The following ROBO1 variants were observed in gnomAD, a reference collection of about 807,000 sequenced individuals.
The protein encoded by ROBO1 is roundabout homolog 1.
A neutral mutation model predicts 195.9 loss-of-function variants in ROBO1; 149 were observed. The observed-to-expected ratio is 0.76, with a 90% CI of 0.67 to 0.87. The LOEUF is 0.87. ROBO1 is among the 40% of genes least tolerant of loss of function. ROBO1 has a pLI of 0.00. For synonymous variants in ROBO1, 816 were observed against 733.2 expected (o/e 1.11, Z -1.82); for missense variants, 1,933 against 2,068.3 (o/e 0.93, Z 1.27).
intron 2 of ROBO1, among the ~76,000 whole-genome samples, chr3:79,574,015 C>T (rs557033358): frequency 6.6e-6 from 1 of 152,192 alleles, no homozygotes; most frequent in Admixed American, 6.5e-5. Context: ...CAGAGGATCA[C>T]TTGTTTCCAT....
intron 3 of ROBO1, among the ~76,000 whole-genome samples, chr3:78,953,561 C>G (rs891267417): frequency 5.9e-5 from 9 of 151,562 alleles, no homozygotes; most frequent in Non-Finnish European, 2.9e-5. Context: ...GAAATATTAA[C>G]AAGAATAATA....
intron 3 of ROBO1, among the ~76,000 whole-genome samples, chr3:78,975,001 C>T (rs1438418950): frequency 6.6e-6 from 1 of 152,010 alleles, no homozygotes. Flanking sequence ...ACTAATGCTG[C>T]CAAATTAAAT....
chr3:78,958,319 CTTAAAGGGCTTTGAACTAAAA>C (rs1576468166), intron 3 of ROBO1, among the ~76,000 whole-genome samples: 1 of 152,224 alleles, frequency 6.6e-6, no homozygotes, highest in East Asian at 1.9e-4. Flanking sequence ...AATCTTATTC[CTTAAAGGGCTTTGAACTAAAA>C]CATTTAAACA....
intron 2 of ROBO1, among the ~76,000 whole-genome samples, chr3:79,541,723 A>G (rs1444626979): frequency 2.0e-5 from 3 of 151,708 alleles, no homozygotes; most frequent in Non-Finnish European, 4.4e-5. Flanking sequence ...GTTATAAGAT[A>G]TAGGCCATCA....
intron 2 of ROBO1, among the ~76,000 whole-genome samples, chr3:79,429,776 AT>A (rs1482937556): frequency 3.3e-5 from 5 of 152,174 alleles, no homozygotes; most frequent in African/African-American, 1.2e-4. Context: ...TTCTTATTGA[AT>A]AATGCCCATT....
At chr3:78,611,322 T>C (rs960105505) in intron 28 of ROBO1, among the ~76,000 whole-genome samples, 5 of 152,116 alleles carry the variant, frequency 3.3e-5, no homozygotes, top group African/African-American at 1.2e-4. Flanking sequence ...GTAGATTTGG[T>C]TTTTAAATCA....
chr3:79,742,680 G>A (rs1319852933), intron 1 of ROBO1, among the ~76,000 whole-genome samples: 1 of 152,138 alleles, frequency 6.6e-6, no homozygotes, highest in African/African-American at 2.4e-5. Context: ...GTCTTAGGTA[G>A]TTCTTTATAG....
In ROBO1 at chr3:79,693,452, C is replaced by T. The variant is rs955850745; in HGVS notation, c.-51+74300G>A. Among the ~76,000 whole-genome samples the T allele has an allele frequency of 2.0e-5, 3 of 150,700 alleles. No individual in the cohort carries two copies. The Admixed American group carries it at 2.0e-4, about 10-fold the overall frequency. On this transcript the variant is annotated intron_variant, in intron 1 of 30. Coordinates refer to ENST00000464233, the MANE Select transcript of ROBO1 (RefSeq NM_002941.4). ...GTTTTTTTGTTTGTTTGTTTTGACA[C>T]AGGGTCTTGGATCTTGTTCTGTAAC... is the stretch of plus-strand genomic sequence containing the variant.
At chr3:79,018,793 C>A (rs1415910599) in intron 3 of ROBO1, 3 of 1,062,268 alleles carry the variant, frequency 2.8e-6, no homozygotes, top group Non-Finnish European at 3.4e-6. Flanking sequence ...CACGGTCTTG[C>A]GGAGCCTCCC....
chr3:79,349,816 A>C (rs1290415464), intron 2 of ROBO1, among the ~76,000 whole-genome samples: 4 of 152,210 alleles, frequency 2.6e-5, no homozygotes, highest in African/African-American at 9.6e-5. Flanking sequence ...CTCAAAATGA[A>C]TCAAATGTAA....
At chr3:78,687,049 A>G (rs1575935628) in intron 9 of ROBO1, among the ~76,000 whole-genome samples, 1 of 152,212 alleles carries the variant, frequency 6.6e-6, no homozygotes, top group African/African-American at 2.4e-5. Context: ...TAAACATTTA[A>G]CTACTATTCC....
At chr3:79,663,134 T>C (rs940749695) in intron 1 of ROBO1, among the ~76,000 whole-genome samples, 1 of 152,110 alleles carries the variant, frequency 6.6e-6, no homozygotes, top group Non-Finnish European at 1.5e-5. Flanking sequence ...AGCTTATCAC[T>C]TATCAAATAC....
chr3:79,294,622 C>T (rs550370126), intron 2 of ROBO1, among the ~76,000 whole-genome samples: 8 of 151,936 alleles, frequency 5.3e-5, no homozygotes, highest in South Asian at 2.1e-4. Flanking sequence ...ACTGAAGAGC[C>T]TCTGCACAAC....
At chr3:78,775,699 G>T (rs1435565647) in intron 4 of ROBO1, among the ~76,000 whole-genome samples, 2 of 152,154 alleles carry the variant, frequency 1.3e-5, no homozygotes, top group African/African-American at 4.8e-5. Flanking sequence ...ATTTTCTTCA[G>T]TGCATGTTCA....
At chr3:78,679,682 A>G (rs1429383043) in intron 10 of ROBO1, among the ~76,000 whole-genome samples, 2 of 152,106 alleles carry the variant, frequency 1.3e-5, no homozygotes, top group African/African-American at 4.8e-5. Flanking sequence ...AAATAAAAGA[A>G]GATACAAACA....
intron 3 of ROBO1, among the ~76,000 whole-genome samples, chr3:79,040,876 A>T (rs533122683): frequency 2.0e-5 from 3 of 152,268 alleles, no homozygotes; most frequent in South Asian, 2.1e-4. Flanking sequence ...CGAAAAAAAA[A>T]TTCCAGACAC....
intron 4 of ROBO1, among the ~76,000 whole-genome samples, chr3:78,754,966 T>TGGTACC (rs2082891534): frequency 6.6e-6 from 1 of 151,996 alleles, no homozygotes; most frequent in South Asian, 2.1e-4. Context: ...TGCCGTGTAG[T>TGGTACC]GGTACCGGTG....
At chr3:79,289,020 G>C (rs1487394051) in intron 2 of ROBO1, among the ~76,000 whole-genome samples, 1 of 151,308 alleles carries the variant, frequency 6.6e-6, no homozygotes, top group African/African-American at 2.4e-5. Context: ...AAATGCAAGA[G>C]ACTACGAAAA....
At chr3:79,214,570 G>A (rs1234311216) in intron 2 of ROBO1, among the ~76,000 whole-genome samples, 1 of 152,054 alleles carries the variant, frequency 6.6e-6, no homozygotes, top group East Asian at 1.9e-4. Context: ...GCCTGGCACA[G>A]ATGAAGTGTG....
Sources: gnomAD v4.1 joint callset for allele counts (sites outside exome capture counted in the v4.1 genomes callset) on GRCh38, gnomAD v4.1.1 for gene constraint, MANE v1.5 for transcripts, NCBI Gene and HGNC (gene_info 2026-07-23, HGNC 2026-07-21) for gene names.